LMBRD1: variants seen among roughly 807,000 people sequenced by gnomAD.
LMBRD1 encodes the protein lysosomal cobalamin transport escort protein LMBD1.
Under a neutral mutation model 74.8 loss-of-function variants are expected in LMBRD1, and 64 were observed. The ratio of observed to expected loss-of-function variants is 0.86; its 90% CI spans 0.70 to 1.05. LMBRD1 has a LOEUF of 1.05. Among genes scored for constraint, LMBRD1 ranks in the 50% least tolerant of loss-of-function variants. The pLI is 0.00. For missense variants in LMBRD1, 652 were observed against 645.9 expected (o/e 1.01, Z -0.10); for synonymous variants, 204 against 216.3 (o/e 0.94, Z 0.50).
intron 6 of LMBRD1, among the ~76,000 whole-genome samples, chr6:69,740,526 G>A (rs1341115150): frequency 6.6e-6 from 1 of 152,100 alleles, no homozygotes; most frequent in Non-Finnish European, 1.5e-5. Context: ...AGTATTAGTA[G>A]ATGCGAGGCC....
intron 7 of LMBRD1, among the ~76,000 whole-genome samples, chr6:69,721,724 C>T (rs1203069124): frequency 6.6e-6 from 1 of 152,128 alleles, no homozygotes; most frequent in Non-Finnish European, 1.5e-5. Context: ...ACCAGCTCAG[C>T]CACAGTAAGG....
At chr6:69,696,908 G>C (rs1766015107) in intron 14 of LMBRD1, among the ~76,000 whole-genome samples, 1 of 151,126 alleles carries the variant, frequency 6.6e-6, no homozygotes, top group Non-Finnish European at 1.5e-5. Context: ...TTGAAGGCAA[G>C]ATTAGAAAAC....
At position 69,738,804 on chromosome 6, in the gene LMBRD1, C is replaced by T. The variant is rs570892519; in HGVS notation, c.563-789G>A. 2.6e-5 allele frequency among the ~76,000 whole-genome samples: 4 copies of T among 152,012 alleles called. No individual in the cohort carries two copies. The East Asian group carries it at 5.8e-4, about 22-fold the overall frequency. On this transcript the variant is annotated intron_variant, in intron 6 of 15. Coordinates refer to ENST00000649934, the MANE Select transcript of LMBRD1 (RefSeq NM_018368.4). ...CAGTTTTAATACAGGTCCTATTAGG[C>T]CTGTATTGAGCGAGTTTAAATGCAA...
chr6:69,773,134 T>C (rs922715757), intron 3 of LMBRD1, among the ~76,000 whole-genome samples: 12 of 152,064 alleles, frequency 7.9e-5, no homozygotes, highest in Admixed American at 5.2e-4. Flanking sequence ...CACTACCCAA[T>C]ATGGTAGTTT....
chr6:69,761,792 A>G (rs1765379571), intron 3 of LMBRD1, among the ~76,000 whole-genome samples: 1 of 21,058 alleles, frequency 4.7e-5, no homozygotes, highest in East Asian at 1.6e-3. Flanking sequence ...CAGTTCACAA[A>G]TAATCCCCAA....
chr6:69,785,629 G>C (rs1423537860), intron 2 of LMBRD1, among the ~76,000 whole-genome samples: 1 of 152,072 alleles, frequency 6.6e-6, no homozygotes, highest in Non-Finnish European at 1.5e-5. Flanking sequence ...TCTATCAGCA[G>C]ATCCCAGCAG....
chr6:69,716,236 C>G (rs917995532), intron 8 of LMBRD1, among the ~76,000 whole-genome samples: 2 of 152,214 alleles, frequency 1.3e-5, no homozygotes, highest in African/African-American at 4.8e-5. Flanking sequence ...CTTCTACCAA[C>G]AGTGTTTAAG....
At chr6:69,794,519 T>A (rs1242078562) in intron 1 of LMBRD1, among the ~76,000 whole-genome samples, 1 of 152,236 alleles carries the variant, frequency 6.6e-6, no homozygotes, top group East Asian at 1.9e-4. Flanking sequence ...AAAGAACAAT[T>A]GTCAAACTGG....
At chr6:69,683,832 A>G (rs1450062339) in intron 14 of LMBRD1, among the ~76,000 whole-genome samples, 2 of 152,046 alleles carry the variant, frequency 1.3e-5, no homozygotes, top group African/African-American at 4.8e-5. Context: ...GAGAGGTTCC[A>G]ACAATAATCC....
chr6:69,695,201 C>T (rs1765968096), intron 14 of LMBRD1, among the ~76,000 whole-genome samples: 1 of 151,866 alleles, frequency 6.6e-6, no homozygotes, highest in African/African-American at 2.4e-5. Context: ...TCAATCTTTC[C>T]TGCTCCACTA....
intron 3 of LMBRD1, among the ~76,000 whole-genome samples, chr6:69,769,540 T>C (rs1562119521): frequency 6.6e-6 from 1 of 152,138 alleles, no homozygotes; most frequent in South Asian, 2.1e-4. Flanking sequence ...TGTTTTCCTA[T>C]TTCTTTGCAT....
chr6:69,723,591 A>T (rs952517711), intron 7 of LMBRD1, among the ~76,000 whole-genome samples: 3 of 152,138 alleles, frequency 2.0e-5, no homozygotes, highest in Non-Finnish European at 4.4e-5. Context: ...TGAAGAAATT[A>T]AAAAAGAAAT....
intron 9 of LMBRD1, among the ~76,000 whole-genome samples, chr6:69,708,386 A>G (rs1471238282): frequency 6.6e-6 from 1 of 152,196 alleles, no homozygotes; most frequent in African/African-American, 2.4e-5. Context: ...CAATTTTCTG[A>G]GCTGTTTACA....
chr6:69,737,247 G>C (rs1766995884), intron 7 of LMBRD1, among the ~76,000 whole-genome samples: 1 of 152,012 alleles, frequency 6.6e-6, no homozygotes, highest in Non-Finnish European at 1.5e-5. Context: ...TATTAATGCT[G>C]CTTATACAAC....
intron 7 of LMBRD1, among the ~76,000 whole-genome samples, chr6:69,720,425 GGAA>G (rs1766589121): frequency 6.6e-6 from 1 of 152,120 alleles, no homozygotes; most frequent in Non-Finnish European, 1.5e-5. Context: ...AGGACGGGGT[GGAA>G]GAAGATTCTG....
chr6:69,738,599 TACACACACAC>T lies in LMBRD1; in HGVS notation c.563-594_563-585del, dbSNP rs3217690. ...CACAACGAGAAAATAGGTTTAAAAA[TACACACACAC>T]ACACACACACACACACACACAAAAT... On this transcript the variant is annotated intron_variant, in intron 6 of 15. Transcript: ENST00000649934. 4.8e-5 allele frequency among the ~76,000 whole-genome samples: 7 copies of T among 145,226 alleles called. No homozygotes were observed. The East Asian group carries it at 6.0e-4, about 13-fold the overall frequency.
chr6:69,762,281 A>T (rs958273632), intron 3 of LMBRD1, among the ~76,000 whole-genome samples: 6 of 152,240 alleles, frequency 3.9e-5, no homozygotes, highest in African/African-American at 1.4e-4. Context: ...CTAGGAGTGG[A>T]ACTGCTGGAC....
intron 3 of LMBRD1, among the ~76,000 whole-genome samples, chr6:69,758,949 G>A (rs1481951621): frequency 1.3e-5 from 2 of 151,942 alleles, no homozygotes; most frequent in Non-Finnish European, 2.9e-5. Context: ...TCCCCTAATA[G>A]GGTCAATCAC....
chr6:69,699,832 A>G (rs767854923), intron 12 of LMBRD1, among the ~76,000 whole-genome samples: 5 of 151,702 alleles, frequency 3.3e-5, no homozygotes, highest in Non-Finnish European at 5.9e-5. Context: ...TGTAGTACAG[A>G]CTCCAGTTCT....
Sources: allele counts gnomAD v4.1 joint callset (sites outside exome capture counted in the v4.1 genomes callset), GRCh38; gene constraint gnomAD v4.1.1; transcripts MANE v1.5; gene names NCBI Gene and HGNC (gene_info 2026-07-23, HGNC 2026-07-21).